The following KIAA1549L variants were observed in gnomAD, a reference collection of about 807,000 sequenced individuals.
The protein encoded by KIAA1549L is KIAA1549 like.
In KIAA1549L, 88 loss-of-function variants were observed where a neutral mutation model predicts 160.7. The observed-to-expected ratio is 0.55, with a 90% confidence interval of 0.46 to 0.65. The LOEUF is 0.65. KIAA1549L is among the 30% of genes least tolerant of loss of function. The pLI, the probability that KIAA1549L is intolerant of heterozygous loss-of-function variation, is 0.00. For synonymous variants in KIAA1549L, 950 were observed against 976.7 expected, an observed-to-expected ratio of 0.97 and a Z score of 0.51; for missense variants, 2,258 against 2,437.5, an observed-to-expected ratio of 0.93 and a Z score of 1.55.
At chr11:33,561,251 A>G (rs1854849990) in intron 7 of KIAA1549L, among the ~76,000 whole-genome samples, 1 of 152,230 alleles carries the variant, frequency 6.6e-6, no homozygotes, top group Non-Finnish European at 1.5e-5. Flanking sequence ...GGGTCTTGAT[A>G]AAGAAGGTGT....
At chr11:33,576,604 G>A (rs1855456051) in intron 10 of KIAA1549L, among the ~76,000 whole-genome samples, 1 of 152,158 alleles carries the variant, frequency 6.6e-6, no homozygotes, top group Non-Finnish European at 1.5e-5. Flanking sequence ...GTCCAGGCGA[G>A]AGCTGAAGGT....
chr11:33,522,980 CAT>C (rs963507777), intron 1 of KIAA1549L, among the ~76,000 whole-genome samples: 2 of 151,926 alleles, frequency 1.3e-5, no homozygotes, highest in African/African-American at 4.8e-5. Context: ...TATGTTGACT[CAT>C]GTGAGTGCAT....
chr11:33,419,698 T>G (rs1283572929), intron 1 of KIAA1549L, among the ~76,000 whole-genome samples: 1 of 151,944 alleles, frequency 6.6e-6, no homozygotes, highest in East Asian at 1.9e-4. Flanking sequence ...AATACAAAAA[T>G]TAGCTGGGCA....
At chr11:33,389,578 G>C (rs768769458) in intron 1 of KIAA1549L, among the ~76,000 whole-genome samples, 1 of 152,184 alleles carries the variant, frequency 6.6e-6, no homozygotes, top group African/African-American at 2.4e-5. Context: ...GGAGATGAAC[G>C]TATGAATCAA....
rs568888234 is a variant in KIAA1549L, at chr11:33,614,345, T to C, written c.5280-4188T>C. On this transcript the variant is annotated intron_variant, in intron 15 of 20. Transcript: ENST00000658780. The stretch of plus-strand genomic sequence containing the variant: ...GGCCAAACATGAACTGCCTGCTCTA[T>C]ATGGTCTCACAGGGCTCTCCACCCT... 3.6e-3 allele frequency among the ~76,000 whole-genome samples: 545 copies of C among 150,600 alleles called. 6 individuals carry two copies. Among genetic ancestry groups the C allele is most frequent in the African/African-American group, 0.013 (523 of 41,122 alleles).
chr11:33,570,944 G>A (rs1855232398), intron 9 of KIAA1549L, among the ~76,000 whole-genome samples: 1 of 152,060 alleles, frequency 6.6e-6, no homozygotes. Context: ...GATTTTTCTG[G>A]AGGAATTTAG....
At chr11:33,629,744 T>C (rs1851223966) in intron 16 of KIAA1549L, among the ~76,000 whole-genome samples, 1 of 151,006 alleles carries the variant, frequency 6.6e-6, no homozygotes, top group African/African-American at 2.5e-5. Flanking sequence ...TGTCCTCCCG[T>C]AGCTCGGAGT....
intron 6 of KIAA1549L, among the ~76,000 whole-genome samples, chr11:33,558,944 C>T (rs1854745990): frequency 6.6e-6 from 1 of 151,978 alleles, no homozygotes; most frequent in African/African-American, 2.4e-5. Context: ...AGCGATTCTC[C>T]TGTCTCAGCC....
In KIAA1549L at chr11:33,491,043, G is replaced by C. The variant is rs78416603; in HGVS notation, c.239-50759G>C. Among the ~76,000 whole-genome samples, 1,308 of 152,308 alleles carry C rather than the reference G, an allele frequency of 8.6e-3. 8 individuals are homozygous for C. The highest frequency in any genetic ancestry group is 0.024 in the Middle Eastern group (7 of 294). On this transcript the variant is annotated intron_variant, in intron 1 of 20. Coordinates refer to ENST00000658780, the MANE Select transcript of KIAA1549L (RefSeq NM_012194.3). ...CTCTTACGTTGCACTGTAACTAATGGTATAAGTGTCTGTCTCCTCAACTAG... is the reference window on the plus strand; with the variant it reads ...CTCTTACGTTGCACTGTAACTAATGCTATAAGTGTCTGTCTCCTCAACTAG...
At chr11:33,408,614 T>C (rs989847637) in intron 1 of KIAA1549L, among the ~76,000 whole-genome samples, 1 of 151,296 alleles carries the variant, frequency 6.6e-6, no homozygotes, top group African/African-American at 2.4e-5. Context: ...GGCACCTCTC[T>C]GTCCCAGTCC....
intron 1 of KIAA1549L, among the ~76,000 whole-genome samples, chr11:33,429,989 T>TGGCA (rs1226763744): frequency 6.8e-6 from 1 of 147,808 alleles, no homozygotes; most frequent in African/African-American, 2.5e-5. Context: ...TCAGATCATG[T>TGGCA]GGCAGCTCTG....
intron 7 of KIAA1549L, 22 bp from the exon 8 acceptor site, chr11:33,561,654 G>T (rs771265715): frequency 6.4e-7 from 1 of 1,553,116 alleles, no homozygotes; most frequent in Admixed American, 1.7e-5. Context: ...AAGTAATTGG[G>T]TATGTTTCTT....
At chr11:33,498,943 C>T (rs1330291226) in intron 1 of KIAA1549L, among the ~76,000 whole-genome samples, 1 of 152,316 alleles carries the variant, frequency 6.6e-6, no homozygotes, top group East Asian at 1.9e-4. Context: ...TGAATCTCCA[C>T]CCTGATGACT....
chr11:33,403,256 CACAGACACAG>C (rs1850544648), intron 1 of KIAA1549L: 5 of 80,994 alleles, frequency 6.2e-5, no homozygotes, highest in Non-Finnish European at 7.6e-5. Context: ...CAGACACACA[CACAGACACAG>C]ACACACACAG....
chr11:33,415,225 A>G (rs1850864996), intron 1 of KIAA1549L, among the ~76,000 whole-genome samples: 3 of 152,270 alleles, frequency 2.0e-5, no homozygotes, highest in South Asian at 2.1e-4. Flanking sequence ...TACTTTATTC[A>G]TTCCAAATAT....
intron 1 of KIAA1549L, among the ~76,000 whole-genome samples, chr11:33,413,122 G>A (rs1365783213): frequency 2.0e-5 from 3 of 152,128 alleles, no homozygotes; most frequent in African/African-American, 7.2e-5. Context: ...ATGTTTTAGG[G>A]AAATGCTGCA....
chr11:33,648,843 A>G (rs892055836), intron 17 of KIAA1549L, among the ~76,000 whole-genome samples: 4 of 152,170 alleles, frequency 2.6e-5, no homozygotes, highest in Non-Finnish European at 5.9e-5. Context: ...GGGCTAACAC[A>G]TCTTCCCCAC....
intron 16 of KIAA1549L, among the ~76,000 whole-genome samples, chr11:33,622,319 G>A (rs1850979918): frequency 6.6e-6 from 1 of 152,184 alleles, no homozygotes; most frequent in Non-Finnish European, 1.5e-5. Context: ...TCATCGGCGG[G>A]TTGAAGGAAT....
chr11:33,450,427 G>T (rs1018255521), intron 1 of KIAA1549L, among the ~76,000 whole-genome samples: 2 of 152,042 alleles, frequency 1.3e-5, no homozygotes, highest in African/African-American at 2.4e-5. Context: ...AGACATGGTG[G>T]TGCACACCTG....
Sources: gnomAD v4.1 joint callset for allele counts (sites outside exome capture counted in the v4.1 genomes callset) on GRCh38, gnomAD v4.1.1 for gene constraint, MANE v1.5 for transcripts, NCBI Gene and HGNC (gene_info 2026-07-23, HGNC 2026-07-21) for gene names.